The following VAT1 variants were observed in gnomAD, a reference collection of about 807,000 sequenced individuals.
The protein encoded by VAT1 is NADPH-dependent quinone oxidoreductase VAT1.
A neutral mutation model predicts 33.3 loss-of-function variants in VAT1; 24 were observed. The observed-to-expected ratio is 0.72, with a 90% CI of 0.52 to 1.01. The LOEUF (loss-of-function observed/expected upper bound fraction) is 1.01, where lower values mean the gene tolerates loss of function less well. Among genes scored for constraint, VAT1 ranks in the 50% least tolerant of loss-of-function variants. The pLI is 0.00. For missense variants in VAT1, 436 were observed against 533.7 expected, an observed-to-expected ratio of 0.82 and a Z score of 1.80; for synonymous variants, 212 against 225.0, an observed-to-expected ratio of 0.94 and a Z score of 0.52.
Position 43,022,176 on chromosome 17 carries a change from G to A in VAT1, c.147C>T (p.Arg49=). The change falls in exon 1 of 6, where the codon CGC becomes CGT. Residue 49 remains arginine, a synonymous_variant. Transcript: ENST00000355653. ...AAAAASPPLL[R]CLVLTGFGGY... ...CTCCAAAGCCGGTGAGCACTAGGCA[G>A]CGCAGCAGTGGCGGCGAGGCGGCGG... 6.4e-7 allele frequency: 1 copy of A among 1,558,808 alleles called. No individual in the cohort carries two copies. Among genetic ancestry groups the A allele is most frequent in the South Asian group, 1.2e-5 (1 of 85,998 alleles).
chr17:43,018,496 G>T, intron 2 of VAT1, 96 bp downstream of exon 2: 2 of 1,384,052 alleles, frequency 1.4e-6, no homozygotes, highest in Non-Finnish European at 1.0e-6. Context: ...AGGCAGCCTG[G>T]TGTTGCCATG....
intron 1 of VAT1, 147 bp from the exon 2 acceptor site, chr17:43,018,946 A>T (rs1597784303): frequency 1.3e-6 from 1 of 756,180 alleles, no homozygotes; most frequent in East Asian, 2.7e-5. Context: ...TAATAATAAC[A>T]TCATCATCAA....
chr17:43,015,978 T>C lies in VAT1; in HGVS notation c.*83A>G. Reference sequence around the variant, plus strand: ...GAGGGCAGAGCATTATGACAGAGGCTGAAATGCAAGTCTGGTGGCCAACAG... The same window carrying C: ...GAGGGCAGAGCATTATGACAGAGGCCGAAATGCAAGTCTGGTGGCCAACAG... On this transcript the variant is annotated 3_prime_UTR_variant, in exon 6 of 6. Coordinates refer to ENST00000355653, the MANE Select transcript of VAT1 (RefSeq NM_006373.4). 6.7e-7 allele frequency: 1 copy of C among 1,488,946 alleles called. No homozygotes were observed. The highest frequency in any genetic ancestry group is 9.3e-7 in the Non-Finnish European group (1 of 1,074,164). The allele number at this position is 1,488,946 out of a possible 1,614,324, so 92.2% of individuals were successfully genotyped here.
chr17:43,018,014 C>A, intron 3 of VAT1, 22 bp downstream of exon 3: 6 of 1,612,736 alleles, frequency 3.7e-6, no homozygotes, highest in African/African-American at 1.3e-5. Flanking sequence ...CTCCCTACCC[C>A]CTCCCATATT....
chr17:43,021,209 A>T (rs9915489), intron 1 of VAT1, among the ~76,000 whole-genome samples: 73,932 of 152,076 alleles, frequency 0.49, 21,194 homozygotes, highest in African/African-American at 0.81. Flanking sequence ...CGTGGCCCGA[A>T]GGCTGAGGGC....
Position 43,021,931 on chromosome 17 carries a change from C to G in VAT1, c.387+5G>C. 1 of 1,610,390 alleles carries G rather than the reference C, an allele frequency of 6.2e-7. No individual in the cohort carries two copies. The highest frequency in any genetic ancestry group is 8.5e-7 in the Non-Finnish European group (1 of 1,179,626). ...GCCCTGCCCTGCCCTACGCAACCCG[C>G]TCACCTTGCGGTCGCTGACTCCCTC... On this transcript the variant is annotated splice_donor_5th_base_variant and intron_variant, in intron 1 of 5. Coordinates refer to ENST00000355653, the MANE Select transcript of VAT1 (RefSeq NM_006373.4).
chr17:43,022,172 G>A lies in VAT1; in HGVS notation c.151C>T (p.Leu51=), dbSNP rs1435314302. Residue 51 remains leucine, a synonymous_variant, in exon 1 of 6, where the codon CTA becomes TTA. Coordinates refer to ENST00000355653, the MANE Select transcript of VAT1 (RefSeq NM_006373.4). ...AAASPPLLRC[L]VLTGFGGYDK... ...TAGCCTCCAAAGCCGGTGAGCACTA[G>A]GCAGCGCAGCAGTGGCGGCGAGGCG... is the stretch of plus-strand genomic sequence containing the variant. 7 of 1,559,514 alleles carry A rather than the reference G, an allele frequency of 4.5e-6. No individual in the cohort carries two copies. Among genetic ancestry groups the A allele is most frequent in the Middle Eastern group, 1.9e-4 (1 of 5,148 alleles).
At chr17:43,021,606 T>G (rs1209014388) in intron 1 of VAT1, among the ~76,000 whole-genome samples, 12 of 49,410 alleles carry the variant, frequency 2.4e-4, no homozygotes, top group Non-Finnish European at 2.9e-4. Context: ...GTGGTTTTAA[T>G]GGGGGGGGGG....
In VAT1 at chr17:43,016,419, C is replaced by T. The variant is rs757636385; in HGVS notation, c.986G>A (p.Gly329Asp). ...CAGCTCCACCTCACCATCCAGGTAG[C>T]CCAGGTGGAAGCCACACACAGCCCG... ...ANRAVCGFHLGYLDGEVELVS... is the reference protein window; with the variant it reads ...ANRAVCGFHLDYLDGEVELVS... The change falls in exon 5 of 6, where the codon GGC becomes GAC. Residue 329 changes from glycine to aspartate, a missense_variant. Transcript: ENST00000355653. 44 of 1,614,008 alleles carry T rather than the reference C, an allele frequency of 2.7e-5. No individual in the cohort carries two copies. Among genetic ancestry groups the T allele is most frequent in the Non-Finnish European group, 3.6e-5 (42 of 1,180,054 alleles).
intron 1 of VAT1, among the ~76,000 whole-genome samples, chr17:43,021,537 T>C (rs1025059484): frequency 7.3e-6 from 1 of 136,948 alleles, no homozygotes; most frequent in South Asian, 2.4e-4. Context: ...GCACTAACCG[T>C]CACTCATAGT....
chr17:43,019,494 G>C (rs1022185865), intron 1 of VAT1: 2 of 152,292 alleles, frequency 1.3e-5, no homozygotes, highest in Admixed American at 6.5e-5. Context: ...ACAGCAGGGT[G>C]TGGTCACCTC....
intron 2 of VAT1, 51 bp from the exon 3 acceptor site, chr17:43,018,257 A>G (rs776356279): frequency 1.9e-6 from 3 of 1,570,490 alleles, no homozygotes; most frequent in Non-Finnish European, 2.6e-6. Context: ...CTGGCCACCA[A>G]CCACTCCATT....
chr17:43,019,728 G>C (rs1227087232), intron 1 of VAT1, among the ~76,000 whole-genome samples: 1 of 152,212 alleles, frequency 6.6e-6, no homozygotes, highest in Non-Finnish European at 1.5e-5. Context: ...GCAGGGAAAA[G>C]GAGGGAGCGT....
intron 4 of VAT1, 62 bp from the exon 5 acceptor site, chr17:43,016,610 T>C: frequency 6.3e-7 from 1 of 1,585,370 alleles, no homozygotes; most frequent in Non-Finnish European, 8.6e-7. Context: ...TGTCTGCATC[T>C]GTGCTCTCTG....
In VAT1 at chr17:43,021,929, CG is replaced by C; in HGVS notation, c.387+6del. On this transcript the variant is annotated splice_donor_region_variant and intron_variant, in intron 1 of 5. Transcript: ENST00000355653. The stretch of plus-strand genomic sequence containing the variant: ...CAGCCCTGCCCTGCCCTACGCAACC[CG>C]CTCACCTTGCGGTCGCTGACTCCCT... 1 of 1,610,270 alleles carries C rather than the reference CG, an allele frequency of 6.2e-7. No individual in the cohort carries two copies. The highest frequency in any genetic ancestry group is 8.5e-7 in the Non-Finnish European group (1 of 1,179,602).
rs747976298 is a variant in VAT1, at chr17:43,016,145, C to G, written c.1099-1G>C. The G allele has an allele frequency of 5.0e-6, 8 of 1,614,040 alleles. No individual in the cohort carries two copies. The highest frequency in any genetic ancestry group is 4.0e-5 in the African/African-American group (3 of 74,922). ...GCATCTGTTTCATGGCATCAGCCAC[C>G]TGGGGAGGAAGGAAAGATGCGGCTC... On this transcript the variant is annotated splice_acceptor_variant, in intron 5 of 5. Transcript: ENST00000355653. LOFTEE classifies it high-confidence loss of function.
Position 43,022,376 on chromosome 17 carries a change from A to T in VAT1, c.-54T>A. 4.1e-6 allele frequency: 6 copies of T among 1,462,292 alleles called. No individual in the cohort carries two copies. Among genetic ancestry groups the T allele is most frequent in the Non-Finnish European group, 5.4e-6 (6 of 1,110,226 alleles). 90.6% of individuals were successfully genotyped at this position (1,462,292 alleles called of 1,614,324 possible). A position where few individuals can be genotyped will look rare whatever the true frequency, so the allele number is the denominator to read the frequency against. On this transcript the variant is annotated 5_prime_UTR_variant, in exon 1 of 6. Transcript: ENST00000355653. The stretch of plus-strand genomic sequence containing the variant: ...CTGGATGGAGAGTGCACAGCTGGGG[A>T]AGGCGGAACGCGTCGGGAAGAGCCG...
At chr17:43,020,096 A>G (rs2050554272) in intron 1 of VAT1, 1 of 985,218 alleles carries the variant, frequency 1.0e-6, no homozygotes, top group Non-Finnish European at 1.2e-6. Flanking sequence ...TTGGTCATTT[A>G]GGGTCATGGC....
rs180810923 is a variant in VAT1 at position 43,020,958 on chromosome 17, T to C, written c.387+978A>G. 6.6e-4 allele frequency among the ~76,000 whole-genome samples: 100 copies of C among 150,998 alleles called. No individual in the cohort carries two copies. In the Middle Eastern group the frequency reaches 0.014, roughly 21 times the overall value. On this transcript the variant is annotated intron_variant, in intron 1 of 5. Coordinates refer to ENST00000355653, the MANE Select transcript of VAT1 (RefSeq NM_006373.4). Reference sequence around the variant, plus strand: ...GTGCTGAGGCCTCATCCCAGGTCTCTCAAAAAGCTGATCATTTTGAGCTCT... The same window carrying C: ...GTGCTGAGGCCTCATCCCAGGTCTCCCAAAAAGCTGATCATTTTGAGCTCT...
Sources: allele counts gnomAD v4.1 joint callset (sites outside exome capture counted in the v4.1 genomes callset), GRCh38; gene constraint gnomAD v4.1.1; transcripts MANE v1.5; gene names NCBI Gene and HGNC (gene_info 2026-07-23, HGNC 2026-07-21).